The following TLN2 variants were observed in gnomAD, a reference collection of about 807,000 sequenced individuals.
TLN2 encodes the protein talin-2.
A neutral mutation model predicts 294.7 loss-of-function variants in TLN2; 118 were observed. That is an observed-to-expected ratio of 0.40 (90% CI 0.34 to 0.47). The LOEUF (loss-of-function observed/expected upper bound fraction) is 0.47. Ranked by LOEUF, TLN2 falls within the 20% of genes least tolerant of loss-of-function variation. The pLI, the probability that TLN2 is intolerant of heterozygous loss-of-function variation, is 0.84. For synonymous variants in TLN2, 1,431 were observed against 1,304.5 expected (o/e 1.10, Z -2.09); for missense variants, 3,083 against 3,282.2 (o/e 0.94, Z 1.48).
At chr15:62,781,414 A>G (rs1207914607) in intron 44 of TLN2, among the ~76,000 whole-genome samples, 173 bp downstream of exon 44, 1 of 152,232 alleles carries the variant, frequency 6.6e-6, no homozygotes, top group African/African-American at 2.4e-5. Flanking sequence ...GCCTGTGTCC[A>G]GTAGCCCCAG....
At chr15:62,548,369 G>A (rs2042110469) in intron 1 of TLN2, among the ~76,000 whole-genome samples, 1 of 152,164 alleles carries the variant, frequency 6.6e-6, no homozygotes, top group Admixed American at 6.5e-5. Flanking sequence ...AAGTAGGAGT[G>A]GGGTAGACAT....
chr15:62,578,488 A>C (rs757373716), intron 1 of TLN2, among the ~76,000 whole-genome samples: 9 of 152,000 alleles, frequency 5.9e-5, no homozygotes, highest in Non-Finnish European at 1.2e-4. Flanking sequence ...AATCACTTGA[A>C]CCCGGGAGGT....
intron 21 of TLN2, among the ~76,000 whole-genome samples, chr15:62,709,101 G>A (rs1595741406): frequency 6.6e-6 from 1 of 152,202 alleles, no homozygotes; most frequent in African/African-American, 2.4e-5. Context: ...CAAAGTTGGA[G>A]CAGCCACAGA....
At chr15:62,465,891 A>G (rs1392493985) in intron 1 of TLN2, among the ~76,000 whole-genome samples, 1 of 152,198 alleles carries the variant, frequency 6.6e-6, no homozygotes, top group Non-Finnish European at 1.5e-5. Context: ...TGTTGGCTGA[A>G]TAGAATCATA....
At chr15:62,395,528 A>T (rs962621574) in intron 1 of TLN2, among the ~76,000 whole-genome samples, 1 of 152,184 alleles carries the variant, frequency 6.6e-6, no homozygotes, top group Non-Finnish European at 1.5e-5. Flanking sequence ...GGAAAAGCAG[A>T]TCATTTCTGT....
chr15:62,775,180 T>C (rs898743516), intron 42 of TLN2, among the ~76,000 whole-genome samples: 2 of 151,926 alleles, frequency 1.3e-5, no homozygotes, highest in East Asian at 3.9e-4. Context: ...ATGGTCTCGA[T>C]CTCCTGACCT....
intron 1 of TLN2, among the ~76,000 whole-genome samples, chr15:62,524,406 A>G (rs1478803958): frequency 6.6e-6 from 1 of 152,078 alleles, no homozygotes; most frequent in East Asian, 1.9e-4. Context: ...GTAGGAAGCA[A>G]TTTAGGCATG....
Position 62,800,366 on chromosome 15 carries a change from A to C in TLN2, c.6235-2A>C, listed in dbSNP as rs997268819. Reference sequence around the variant, plus strand: ...TCACCTGAGTTCTGTGCTCTCTTTCAGGTGGTTTTGATCAATGCCATCAAA... The same window carrying C: ...TCACCTGAGTTCTGTGCTCTCTTTCCGGTGGTTTTGATCAATGCCATCAAA... On this transcript the variant is annotated splice_acceptor_variant, in intron 48 of 58. Transcript: ENST00000636159. LOFTEE classifies it high-confidence loss of function. 6.2e-7 allele frequency: 1 copy of C among 1,613,316 alleles called. No homozygotes were observed. The highest frequency in any genetic ancestry group is 8.5e-7 in the Non-Finnish European group (1 of 1,179,862).
chr15:62,397,527 GCACTGGGATTACAGGTGTGAGC>G (rs1183874124), intron 1 of TLN2, among the ~76,000 whole-genome samples: 7 of 152,090 alleles, frequency 4.6e-5, no homozygotes, highest in Admixed American at 4.6e-4. Flanking sequence ...ACCTCCCAAA[GCACTGGGATTACAGGTGTGAGC>G]CACCACACCC....
chr15:62,767,553 G>A (rs571270833), intron 41 of TLN2, among the ~76,000 whole-genome samples: 120 of 152,184 alleles, frequency 7.9e-4, no homozygotes, highest in African/African-American at 2.8e-3. Flanking sequence ...TGGTCAGGCT[G>A]GTCTCAAACT....
intron 1 of TLN2, among the ~76,000 whole-genome samples, chr15:62,554,044 T>C (rs549348986): frequency 1.3e-5 from 2 of 152,112 alleles, no homozygotes; most frequent in South Asian, 4.2e-4. Context: ...TTTCAAGGAC[T>C]CAATTTTCAG....
chr15:62,457,889 G>A (rs1259744912), intron 1 of TLN2, among the ~76,000 whole-genome samples: 4 of 152,128 alleles, frequency 2.6e-5, no homozygotes, highest in Non-Finnish European at 5.9e-5. Flanking sequence ...GGATTCCTAC[G>A]GGTTTTCCTT....
chr15:62,500,530 C>T (rs1297477179), intron 1 of TLN2, among the ~76,000 whole-genome samples: 1 of 152,136 alleles, frequency 6.6e-6, no homozygotes, highest in Non-Finnish European at 1.5e-5. Context: ...AACTAAGTTC[C>T]AGATGGGTCA....
At chr15:62,662,392 T>C (rs1247518756) in intron 9 of TLN2, among the ~76,000 whole-genome samples, 1 of 152,050 alleles carries the variant, frequency 6.6e-6, no homozygotes, top group East Asian at 1.9e-4. Flanking sequence ...AAAGTAAAGC[T>C]CCTCTCCTTA....
Position 62,650,252 on chromosome 15 carries a change from G to C in TLN2, c.234+71G>C, listed in dbSNP as rs115265519. On this transcript the variant is annotated intron_variant, in intron 5 of 58. Coordinates refer to ENST00000636159, the MANE Select transcript of TLN2 (RefSeq NM_015059.3). ...GGCCTTCTTCCATAGACGCCAACACGGTTACGCTATTTTGATTCAAGGGCA... is the reference window on the plus strand; with the variant it reads ...GGCCTTCTTCCATAGACGCCAACACCGTTACGCTATTTTGATTCAAGGGCA... 2.1e-3 allele frequency: 3,060 copies of C among 1,484,906 alleles called. 55 individuals carry two copies. The African/African-American group carries it at 0.039, about 19-fold the overall frequency. 92.0% of individuals were successfully genotyped at this position (1,484,906 alleles called of 1,614,324 possible). A position where few individuals can be genotyped will look rare whatever the true frequency, so the allele number is the denominator to read the frequency against.
intron 1 of TLN2, among the ~76,000 whole-genome samples, chr15:62,534,577 T>C (rs2041231307): frequency 6.6e-6 from 1 of 152,178 alleles, no homozygotes; most frequent in Non-Finnish European, 1.5e-5. Flanking sequence ...TGTGAGTTTT[T>C]ATGGAAGCAT....
At chr15:62,644,946 A>G (rs534280496) in intron 3 of TLN2, 1 of 240,338 alleles carries the variant, frequency 4.2e-6, no homozygotes, top group South Asian at 5.8e-5. Flanking sequence ...GAGGGAACAG[A>G]CGATATTAAC....
intron 11 of TLN2, among the ~76,000 whole-genome samples, chr15:62,676,372 A>G (rs988054070): frequency 6.6e-6 from 1 of 152,226 alleles, no homozygotes; most frequent in Non-Finnish European, 1.5e-5. Flanking sequence ...GGGCCTTTGC[A>G]ATGAAGAACG....
intron 47 of TLN2, among the ~76,000 whole-genome samples, chr15:62,796,852 C>T (rs2065521214): frequency 6.6e-6 from 1 of 152,192 alleles, no homozygotes; most frequent in South Asian, 2.1e-4. Flanking sequence ...GTGCCCCAAC[C>T]CATGTGTCCT....
Sources: allele counts gnomAD v4.1 joint callset (sites outside exome capture counted in the v4.1 genomes callset), GRCh38; gene constraint gnomAD v4.1.1; transcripts MANE v1.5; gene names NCBI Gene and HGNC (gene_info 2026-07-23, HGNC 2026-07-21).